Variants in ZNF692 observed in about 807,000 individuals in gnomAD.
ZNF692 encodes the protein zinc finger protein 692.
ZNF692 carries 41 observed loss-of-function variants against 49.0 expected under a neutral mutation model. The observed-to-expected ratio is 0.84, with a 90% CI of 0.65 to 1.08. The LOEUF is 1.08. Ranked by LOEUF, ZNF692 falls within the 50% of genes least tolerant of loss-of-function variation. The pLI is 0.00. For synonymous variants in ZNF692, 288 were observed against 251.5 expected, an observed-to-expected ratio of 1.15 and a Z score of -1.37; for missense variants, 662 against 662.2, an observed-to-expected ratio of 1.00 and a Z score of 0.00.
At position 248,855,877 on chromosome 1, in the gene ZNF692, T is replaced by C. The variant is rs1195863030; in HGVS notation, c.729A>G (p.Pro243=). Residue 243 remains proline (P), a synonymous_variant, in exon 7 of 12, where the codon CCA becomes CCG. Transcript: ENST00000306601. ...GACTGGAGAGTGCTGCAGGGGCTGG[T>C]GGTGTCTCCCCCTCTTTAGGTGTGC... ...VTCTPKEGET[P]PAPAALSSPL... 5 of 1,614,084 alleles carry C rather than the reference T, an allele frequency of 3.1e-6. No homozygotes were observed. The South Asian group carries it at 5.5e-5, about 18-fold the overall frequency.
chr1:248,850,105 G>C lies in ZNF692; in HGVS notation c.*105C>G. 1 of 1,336,988 alleles carries C rather than the reference G, an allele frequency of 7.5e-7. No individual in the cohort carries two copies. Among genetic ancestry groups the C allele is most frequent in the South Asian group, 1.6e-5 (1 of 62,012 alleles). The allele number at this position is 1,336,988 out of a possible 1,614,324, so 82.8% of individuals were successfully genotyped here. A position where few individuals can be genotyped will look rare whatever the true frequency, so the allele number is the denominator to read the frequency against. On this transcript the variant is annotated 3_prime_UTR_variant, in exon 12 of 12. Transcript: ENST00000306601. The stretch of plus-strand genomic sequence containing the variant: ...CCCCACCCTGCACTCTGTCGCCTTA[G>C]TTCCTGGGGACCAAGCATCTGGCAT...
rs199939289 is a variant in ZNF692, at chr1:248,855,928, G to A, written c.678C>T (p.Pro226=). The A allele has an allele frequency of 4.5e-5, 73 of 1,613,802 alleles. 1 individual carries two copies. Among genetic ancestry groups the A allele is most frequent in the Non-Finnish European group, 5.9e-5 (70 of 1,180,004 alleles). Reference sequence around the variant, plus strand: ...AGGTGACAGGGGAAGGCAGTAGTCTGGGGGCATCAGGCTCACTACTGAAAG... The same window carrying A: ...AGGTGACAGGGGAAGGCAGTAGTCTAGGGGCATCAGGCTCACTACTGAAAG... ...SSPDDSEPDA[P]RLLPSPVTCT... is the part of the protein sequence containing the mutation. The change falls in exon 7 of 12, where the codon CCC becomes CCT. Residue 226 remains proline (P), a synonymous_variant. Transcript: ENST00000306601.
chr1:248,853,617 C>T (rs1035505722), intron 10 of ZNF692, among the ~76,000 whole-genome samples: 3 of 152,240 alleles, frequency 2.0e-5, no homozygotes. Context: ...CCTCCTTATG[C>T]TCTCCTCCTT....
Position 248,857,229 on chromosome 1 carries a change from C to T in ZNF692, c.475+5G>A. On this transcript the variant is annotated splice_donor_5th_base_variant and intron_variant, in intron 4 of 11. Transcript: ENST00000306601. ...TCTCCATAACTCTGCTTTTTTCCAG[C>T]CTACCTGCAAGCTCCTGCCCACTCG... 1 of 1,604,370 alleles carries T rather than the reference C, an allele frequency of 6.2e-7. No homozygotes were observed. Among genetic ancestry groups the T allele is most frequent in the Non-Finnish European group, 8.5e-7 (1 of 1,175,624 alleles).
Position 248,850,117 on chromosome 1 carries a change from C to T in ZNF692, c.*93G>A, listed in dbSNP as rs574216662. The T allele has an allele frequency of 2.1e-6, 3 of 1,423,214 alleles. No individual in the cohort carries two copies. In the South Asian group the frequency reaches 4.4e-5, roughly 21 times the overall value. 88.2% of individuals were successfully genotyped at this position (1,423,214 alleles called of 1,614,324 possible). On this transcript the variant is annotated 3_prime_UTR_variant, in exon 12 of 12. Coordinates refer to ENST00000306601, the MANE Select transcript of ZNF692 (RefSeq NM_017865.4). ...CTCTGTCGCCTTAGTTCCTGGGGAC[C>T]AAGCATCTGGCATTTCTCAAGCAGA...
intron 10 of ZNF692, among the ~76,000 whole-genome samples, chr1:248,851,668 C>T (rs1194951924): frequency 1.3e-5 from 2 of 152,144 alleles, no homozygotes; most frequent in East Asian, 1.9e-4. Context: ...ATCAGCACTC[C>T]AGCCCTCTGT....
intron 9 of ZNF692, among the ~76,000 whole-genome samples, chr1:248,854,882 C>A (rs1279199885): frequency 6.6e-6 from 1 of 152,154 alleles, no homozygotes; most frequent in African/African-American, 2.4e-5. Context: ...GCGGCATTCT[C>A]CCCTGTCTGT....
chr1:248,851,094 T>C (rs1046389546), intron 10 of ZNF692: 1 of 526,450 alleles, frequency 1.9e-6, no homozygotes, highest in African/African-American at 1.9e-5. Flanking sequence ...AGGCTGGTTC[T>C]TTCTCAAAGG....
chr1:248,858,076 G>A lies in ZNF692; in HGVS notation c.179+55C>T, dbSNP rs569803642. ...GCAGCAGGACAGGCCCTGGAGAGGA[G>A]GCTAGGGGCTGCTGCCTGGGTACCC... On this transcript the variant is annotated intron_variant, in intron 2 of 11. Transcript: ENST00000306601. The surrounding 1 kb of genome is among the most constrained non-coding windows in gnomAD (Gnocchi z 4.3). 81 of 1,547,684 alleles carry A rather than the reference G, an allele frequency of 5.2e-5. No homozygotes were observed. Among genetic ancestry groups the A allele is most frequent in the Middle Eastern group, 1.7e-4 (1 of 5,902 alleles).
At chr1:248,856,093 C>T (rs768617761) in intron 6 of ZNF692, 147 bp from the exon 7 acceptor site, 3 of 1,175,584 alleles carry the variant, frequency 2.6e-6, no homozygotes, top group African/African-American at 1.5e-5. Flanking sequence ...CTGCTTTCAG[C>T]CCTCAATCTC....
intron 10 of ZNF692, among the ~76,000 whole-genome samples, chr1:248,852,009 C>T (rs1488462241): frequency 6.6e-6 from 1 of 152,218 alleles, no homozygotes; most frequent in African/African-American, 2.4e-5. Flanking sequence ...TCTCCGTCAA[C>T]TGTACTTGCT....
chr1:248,852,965 T>G (rs79846965), intron 10 of ZNF692, among the ~76,000 whole-genome samples: 2,180 of 152,282 alleles, frequency 0.014, 61 homozygotes, highest in African/African-American at 0.049. Context: ...ATCTCCACAT[T>G]CACATCTCCT....
chr1:248,855,416 G>C lies in ZNF692; in HGVS notation c.1002C>G (p.Gly334=). The change falls in exon 9 of 12, where the codon GGC becomes GGG. Residue 334 remains glycine, a synonymous_variant. Coordinates refer to ENST00000306601, the MANE Select transcript of ZNF692 (RefSeq NM_017865.4). The part of the protein sequence containing the change: ...KRELMPCDFP[G]CGRIFSNRQY... ...GCCGGTTGGAGAAGATCCTTCCACAGCCAGGGAAGTCACAAGGCATCAGCT... is the reference window on the plus strand; with the variant it reads ...GCCGGTTGGAGAAGATCCTTCCACACCCAGGGAAGTCACAAGGCATCAGCT... The C allele has an allele frequency of 6.2e-7, 1 of 1,614,102 alleles. No homozygotes were observed. Among genetic ancestry groups the C allele is most frequent in the Non-Finnish European group, 8.5e-7 (1 of 1,180,032 alleles).
intron 2 of ZNF692, 85 bp from the exon 3 acceptor site, chr1:248,857,944 C>CT: frequency 6.3e-7 from 1 of 1,575,882 alleles, no homozygotes; most frequent in Middle Eastern, 1.7e-4. Context: ...GGGGCCAGCC[C>CT]TAAGGGCCGC....
chr1:248,855,180 C>A (rs1014460115), intron 9 of ZNF692, among the ~76,000 whole-genome samples, 200 bp downstream of exon 9: 1 of 152,232 alleles, frequency 6.6e-6, no homozygotes, highest in Non-Finnish European at 1.5e-5. Flanking sequence ...AATGCCTAAC[C>A]TTTCTGTCTG....
intron 6 of ZNF692, 126 bp downstream of exon 6, chr1:248,856,162 C>T: frequency 6.8e-7 from 1 of 1,462,322 alleles, no homozygotes; most frequent in Non-Finnish European, 9.1e-7. Context: ...GTTCTTTTTG[C>T]CTTCCCCAAA....
Position 248,855,856 on chromosome 1 carries a change from GGA to G in ZNF692, c.748_749del (p.Ser250GlnfsTer40), listed in dbSNP as rs757317426. 6.2e-7 allele frequency: 1 copy of G among 1,614,204 alleles called. No individual in the cohort carries two copies. The highest frequency in any genetic ancestry group is 1.7e-5 in the Admixed American group (1 of 60,022). On this transcript the variant is annotated frameshift_variant, in exon 7 of 12. Coordinates refer to ENST00000306601, the MANE Select transcript of ZNF692 (RefSeq NM_017865.4). LOFTEE classifies it high-confidence loss of function. ...ACAAGGCCGGCACAGCAAGAGGACT[GGA>G]GAGTGCTGCAGGGGCTGGTGGTGTC... Reference protein sequence around the residue: ...GETPPAPAALSSPLAVPALSA... With the variant: ...GETPPAPAALXSPLAVPALSA...
intron 10 of ZNF692, among the ~76,000 whole-genome samples, chr1:248,852,018 C>G (rs1659656840): frequency 6.6e-6 from 1 of 152,176 alleles, no homozygotes; most frequent in South Asian, 2.1e-4. Context: ...ACTGTACTTG[C>G]TTGGTTAAAG....
In ZNF692 at chr1:248,857,845, C is replaced by T. The variant is rs549507374; in HGVS notation, c.194G>A (p.Gly65Asp). 4 of 1,613,996 alleles carry T rather than the reference C, an allele frequency of 2.5e-6. No individual in the cohort carries two copies. In the East Asian group the frequency reaches 6.7e-5, roughly 27 times the overall value. Reference sequence around the variant, plus strand: ...CTACCTACCTGCACAGAGGACACAGCCTGAAGAAGTGTACCTGCCAGCAGG... The same window carrying T: ...CTACCTACCTGCACAGAGGACACAGTCTGAAGAAGTGTACCTGCCAGCAGG... Reference protein sequence around the residue: ...KFLLDRYTSSGCVLCAGPEPL... With the variant: ...KFLLDRYTSSDCVLCAGPEPL... Residue 65 changes from glycine (G) to aspartate (D), a missense_variant, in exon 3 of 12, where the codon GGC becomes GAC. Transcript: ENST00000306601.
Sources: gnomAD v4.1 joint callset for allele counts (sites outside exome capture counted in the v4.1 genomes callset) on GRCh38, gnomAD v4.1.1 for gene constraint, Gnocchi (gnomAD v3.1) non-coding constraint, MANE v1.5 for transcripts, NCBI Gene and HGNC (gene_info 2026-07-23, HGNC 2026-07-21) for gene names.